The following DCAF10 variants were observed in gnomAD, a reference collection of about 807,000 sequenced individuals.
The protein encoded by DCAF10 is DDB1 and CUL4 associated factor 10.
DCAF10 carries 19 observed loss-of-function variants against 51.9 expected under a neutral mutation model. The observed-to-expected ratio is 0.37, with a 90% confidence interval of 0.26 to 0.54. The LOEUF (loss-of-function observed/expected upper bound fraction) is 0.54. Ranked by LOEUF, DCAF10 falls within the 20% of genes least tolerant of loss-of-function variation. The pLI, the probability that DCAF10 is intolerant of heterozygous loss-of-function variation, is 0.87. For synonymous variants in DCAF10, 291 were observed against 297.1 expected (o/e 0.98, Z 0.21); for missense variants, 510 against 730.6 (o/e 0.70, Z 3.48).
At chr9:37,837,247 T>C (rs1589100704) in intron 2 of DCAF10, among the ~76,000 whole-genome samples, 1 of 151,558 alleles carries the variant, frequency 6.6e-6, no homozygotes, top group Non-Finnish European at 1.5e-5. Context: ...GATCACGAGG[T>C]CAGGAGATGG....
chr9:37,802,238 T>C (rs955811908), intron 1 of DCAF10, among the ~76,000 whole-genome samples: 9 of 152,250 alleles, frequency 5.9e-5, no homozygotes, highest in Non-Finnish European at 1.3e-4. Flanking sequence ...GGAGTAACCA[T>C]GCTGAGCAAA....
In DCAF10 at chr9:37,827,480, A is replaced by C. The variant is rs2117905506; in HGVS notation, c.653+8079A>C. ...TAAACAAATATGTTTTTAAGAACAAAAAATATCCTGAACAATGTTTCTAAT... is the reference window on the plus strand; with the variant it reads ...TAAACAAATATGTTTTTAAGAACAACAAATATCCTGAACAATGTTTCTAAT... On this transcript the variant is annotated intron_variant, in intron 2 of 6. Coordinates refer to ENST00000377724, the MANE Select transcript of DCAF10 (RefSeq NM_024345.5). 2.0e-5 allele frequency among the ~76,000 whole-genome samples: 3 copies of C among 152,328 alleles called. 1 individual carries two copies. In the South Asian group the frequency reaches 6.2e-4, roughly 32 times the overall value.
At position 37,861,534 on chromosome 9, in the gene DCAF10, T is replaced by C; in HGVS notation, c.*26T>C. On this transcript the variant is annotated 3_prime_UTR_variant, in exon 7 of 7. Coordinates refer to ENST00000377724, the MANE Select transcript of DCAF10 (RefSeq NM_024345.5). This position sits in a 1 kb window ranked among gnomAD's most constrained non-coding sequence, Gnocchi z 4.9. The stretch of plus-strand genomic sequence containing the variant: ...GCACAACTTACATCAAATAAGGAAC[T>C]CTTCTGGTGTTTGACTTAGGAATTG... 6.4e-7 allele frequency: 1 copy of C among 1,573,650 alleles called. No homozygotes were observed. Among genetic ancestry groups the C allele is most frequent in the South Asian group, 1.2e-5 (1 of 86,738 alleles).
At chr9:37,837,341 C>A (rs1830195862) in intron 2 of DCAF10, among the ~76,000 whole-genome samples, 1 of 151,822 alleles carries the variant, frequency 6.6e-6, no homozygotes, top group Non-Finnish European at 1.5e-5. Flanking sequence ...TGCCTGTAAT[C>A]CCAGCTACTC....
chr9:37,853,152 CAAA>C (rs557423413), intron 3 of DCAF10, among the ~76,000 whole-genome samples: 3 of 80,890 alleles, frequency 3.7e-5, no homozygotes, highest in Non-Finnish European at 5.1e-5. Flanking sequence ...AACTCCGTCT[CAAA>C]AAAAAAAAAA....
chr9:37,807,638 A>G (rs1294836438), intron 1 of DCAF10, among the ~76,000 whole-genome samples: 1 of 147,250 alleles, frequency 6.8e-6, no homozygotes, highest in African/African-American at 2.5e-5. Context: ...TTATATTACC[A>G]CTGAATTTTC....
chr9:37,821,104 T>TATAC lies in DCAF10; in HGVS notation c.653+1704_653+1705insTACA, dbSNP rs61079738. 5.6e-3 allele frequency among the ~76,000 whole-genome samples: 739 copies of TATAC among 132,364 alleles called. 5 individuals carry two copies. The highest frequency in any genetic ancestry group is 9.7e-3 in the Non-Finnish European group (571 of 58,646). The allele number at this position is 132,364 out of a possible 152,430, so 86.8% of individuals were successfully genotyped here. On this transcript the variant is annotated intron_variant, in intron 2 of 6. Transcript: ENST00000377724. ...GCATATACAAACATATATATATATA[T>TATAC]ACACACACACACACTCACACATATG...
chr9:37,819,447 A>G (rs1447634096), intron 2 of DCAF10, 46 bp downstream of exon 2: 1 of 1,450,734 alleles, frequency 6.9e-7, no homozygotes, highest in Non-Finnish European at 9.6e-7. Context: ...GTGGCCCAAA[A>G]TGTTCTGTTT....
At chr9:37,844,576 A>G (rs538824038) in intron 3 of DCAF10, among the ~76,000 whole-genome samples, 1 of 152,242 alleles carries the variant, frequency 6.6e-6, no homozygotes, top group Admixed American at 6.5e-5. Flanking sequence ...ACTTGAACCC[A>G]GGAGGTAGAG....
At chr9:37,855,567 A>T (rs1019678107) in intron 4 of DCAF10, among the ~76,000 whole-genome samples, 4 of 152,242 alleles carry the variant, frequency 2.6e-5, no homozygotes, top group African/African-American at 7.2e-5. Context: ...TATGTGATTT[A>T]AAAAAGACTA....
At chr9:37,818,267 C>G (rs1829603189) in intron 1 of DCAF10, among the ~76,000 whole-genome samples, 1 of 152,110 alleles carries the variant, frequency 6.6e-6, no homozygotes, top group Non-Finnish European at 1.5e-5. Flanking sequence ...GTACTGGGAT[C>G]ACAGGCGTGG....
Position 37,861,651 on chromosome 9 carries a change from C to T in DCAF10, c.*143C>T, listed in dbSNP as rs1197774959. On this transcript the variant is annotated 3_prime_UTR_variant, in exon 7 of 7. Coordinates refer to ENST00000377724, the MANE Select transcript of DCAF10 (RefSeq NM_024345.5). The surrounding 1 kb of genome is among the most constrained non-coding windows in gnomAD (Gnocchi z 4.9). ...TATGGGTCCATGAACACACTTGTGA[C>T]CTTAGTACTTGGTCATCCAGCATCA... The T allele has an allele frequency of 1.7e-6, 2 of 1,199,890 alleles. No homozygotes were observed. Among genetic ancestry groups the T allele is most frequent in the East Asian group, 5.0e-5 (2 of 39,884 alleles). The allele number at this position is 1,199,890 out of a possible 1,614,324, so 74.3% of individuals were successfully genotyped here.
intron 3 of DCAF10, among the ~76,000 whole-genome samples, chr9:37,844,996 T>C (rs1355746755): frequency 2.6e-5 from 4 of 152,194 alleles, no homozygotes; most frequent in Non-Finnish European, 5.9e-5. Flanking sequence ...AACTACAAAG[T>C]AGGTTTCAGC....
At position 37,829,004 on chromosome 9, in the gene DCAF10, T is replaced by G. The variant is rs1441411419; in HGVS notation, c.653+9603T>G. Reference sequence around the variant, plus strand: ...TGATCAGTTCAACTGCATAAAAATTTTAAACTTCATTGTAACCAAACGCAT... The same window carrying G: ...TGATCAGTTCAACTGCATAAAAATTGTAAACTTCATTGTAACCAAACGCAT... On this transcript the variant is annotated intron_variant, in intron 2 of 6. Transcript: ENST00000377724. The surrounding 1 kb of genome is among the most constrained non-coding windows in gnomAD (Gnocchi z 4.2). Among the ~76,000 whole-genome samples the G allele has an allele frequency of 6.6e-6, 1 of 152,186 alleles. No homozygotes were observed. The highest frequency in any genetic ancestry group is 1.5e-5 in the Non-Finnish European group (1 of 68,020).
chr9:37,821,459 C>T (rs1468405627), intron 2 of DCAF10, among the ~76,000 whole-genome samples: 1 of 152,100 alleles, frequency 6.6e-6, no homozygotes, highest in Admixed American at 6.6e-5. Context: ...AAATGTCAAG[C>T]TGCCCAGAAA....
intron 1 of DCAF10, among the ~76,000 whole-genome samples, chr9:37,814,917 A>G (rs958761889): frequency 2.0e-4 from 30 of 152,252 alleles, no homozygotes; most frequent in Non-Finnish European, 3.8e-4. Flanking sequence ...CAAGAAAGCA[A>G]AATTACCATG....
chr9:37,835,741 A>AAAC (rs138365757), intron 2 of DCAF10, among the ~76,000 whole-genome samples: 1 of 152,234 alleles, frequency 6.6e-6, no homozygotes, highest in Non-Finnish European at 1.5e-5. Flanking sequence ...CTCAGTCTCA[A>AAAC]AACAACAACA....
chr9:37,859,502 T>C (rs1830951985), intron 5 of DCAF10, among the ~76,000 whole-genome samples: 2 of 152,246 alleles, frequency 1.3e-5, no homozygotes. Context: ...TTGACATGCC[T>C]TTATGTGAGG....
Position 37,801,571 on chromosome 9 carries a change from T to A in DCAF10, c.539+166T>A. ...ACTTTCTGAAGCGCATTCTCGCCCT[T>A]GGAATCCCCAGCCCAGCTTTTTGAG... On this transcript the variant is annotated intron_variant, in intron 1 of 6. Transcript: ENST00000377724. The surrounding 1 kb of genome is among the most constrained non-coding windows in gnomAD (Gnocchi z 5.5). 1 of 888,012 alleles carries A rather than the reference T, an allele frequency of 1.1e-6. No homozygotes were observed. The highest frequency in any genetic ancestry group is 1.8e-5 in the African/African-American group (1 of 56,468). The allele number at this position is 888,012 out of a possible 1,614,324, so 55.0% of individuals were successfully genotyped here.
Sources: allele counts gnomAD v4.1 joint callset (sites outside exome capture counted in the v4.1 genomes callset), GRCh38; gene constraint gnomAD v4.1.1; non-coding constraint Gnocchi (gnomAD v3.1); transcripts MANE v1.5; gene names NCBI Gene and HGNC (gene_info 2026-07-23, HGNC 2026-07-21).